The following RYK variants were observed in gnomAD, a reference collection of about 807,000 sequenced individuals.
RYK encodes inactive tyrosine-protein kinase RYK.
A neutral mutation model predicts 70.2 loss-of-function variants in RYK; 21 were observed. That is an observed-to-expected ratio of 0.30 (90% CI 0.21 to 0.43). The LOEUF (loss-of-function observed/expected upper bound fraction) is 0.43. Ranked by LOEUF, RYK falls within the 20% of genes least tolerant of loss-of-function variation. The pLI, the probability that RYK is intolerant of heterozygous loss-of-function variation, is 1.00. For synonymous variants in RYK, 267 were observed against 278.0 expected (o/e 0.96, Z 0.39); for missense variants, 604 against 753.3 (o/e 0.80, Z 2.32).
At chr3:134,162,765 T>A (rs911054889) in intron 13 of RYK, among the ~76,000 whole-genome samples, 1 of 149,802 alleles carries the variant, frequency 6.7e-6, no homozygotes, top group African/African-American at 2.5e-5. Context: ...GTGTCCAATT[T>A]CCATAGAGAA....
At chr3:134,215,785 C>A (rs1346074655) in intron 2 of RYK, among the ~76,000 whole-genome samples, 5 of 152,052 alleles carry the variant, frequency 3.3e-5, no homozygotes, top group South Asian at 2.1e-4. Flanking sequence ...CACCTGTAAT[C>A]CCAGCATTCT....
chr3:134,244,389 C>T (rs563080394), intron 1 of RYK, among the ~76,000 whole-genome samples: 180 of 152,200 alleles, frequency 1.2e-3, no homozygotes, highest in Middle Eastern at 3.4e-3. Context: ...AGGAGGCTTG[C>T]GGTTCTACTC....
rs899522868 is a variant in RYK at position 134,157,165 on chromosome 3, G to A, written c.*988C>T. 1.3e-5 allele frequency: 2 copies of A among 150,866 alleles called. No individual in the cohort carries two copies. The highest frequency in any genetic ancestry group is 2.4e-5 in the African/African-American group (1 of 41,038). 9.3% of individuals were successfully genotyped at this position (150,866 alleles called of 1,614,324 possible). Reference sequence around the variant, plus strand: ...AAACAAATCCTTTAATTTTTCAAGTGTTTAAAAAACAATTTTATACTTAAG... The same window carrying A: ...AAACAAATCCTTTAATTTTTCAAGTATTTAAAAAACAATTTTATACTTAAG... On this transcript the variant is annotated 3_prime_UTR_variant, in exon 15 of 15. Transcript: ENST00000623711.
At chr3:134,214,368 G>A (rs2014491440) in intron 2 of RYK, among the ~76,000 whole-genome samples, 1 of 152,136 alleles carries the variant, frequency 6.6e-6, no homozygotes, top group Non-Finnish European at 1.5e-5. Flanking sequence ...CAACATTTAT[G>A]AGGCACATTT....
intron 9 of RYK, among the ~76,000 whole-genome samples, chr3:134,187,633 C>A (rs1007576080): frequency 6.6e-6 from 1 of 152,132 alleles, no homozygotes; most frequent in African/African-American, 2.4e-5. Flanking sequence ...GGGGTCACTG[C>A]AGCCTTGAAT....
intron 9 of RYK, among the ~76,000 whole-genome samples, chr3:134,187,504 C>G (rs1201075435): frequency 6.6e-6 from 1 of 152,136 alleles, no homozygotes; most frequent in Non-Finnish European, 1.5e-5. Context: ...TAAATTATCA[C>G]ATTTTTCTTT....
At chr3:134,202,670 T>G in intron 6 of RYK, 60 bp downstream of exon 6, 1 of 1,482,238 alleles carries the variant, frequency 6.7e-7, no homozygotes, top group South Asian at 1.2e-5. Flanking sequence ...GTGTATGGGC[T>G]CCCACATATA....
At chr3:134,231,295 T>G (rs1250024833) in intron 1 of RYK, among the ~76,000 whole-genome samples, 1 of 152,114 alleles carries the variant, frequency 6.6e-6, no homozygotes, top group Non-Finnish European at 1.5e-5. Flanking sequence ...TTATCTTATC[T>G]GTCAAGGAGA....
intron 1 of RYK, among the ~76,000 whole-genome samples, chr3:134,249,856 C>G (rs931365618): frequency 2.7e-5 from 4 of 150,446 alleles, no homozygotes; most frequent in Admixed American, 2.6e-4. Context: ...ATCTACGTCC[C>G]AAGAGTTGGA....
chr3:134,238,967 GGCCAA>G (rs1383462206), intron 1 of RYK, among the ~76,000 whole-genome samples: 3 of 152,178 alleles, frequency 2.0e-5, no homozygotes, highest in Admixed American at 6.5e-5. Flanking sequence ...TTGTAGCGTG[GGCCAA>G]CAGTCTATTG....
At chr3:134,166,328 C>T (rs569748443) in intron 13 of RYK, among the ~76,000 whole-genome samples, 1 of 152,230 alleles carries the variant, frequency 6.6e-6, no homozygotes, top group East Asian at 1.9e-4. Context: ...TCTCAACAGA[C>T]ACCGAACCTG....
Position 134,249,768 on chromosome 3 carries a change from G to A in RYK, c.232+655C>T, listed in dbSNP as rs796560866. ...ACACACCCAATGCAAAAACCAAAAAGGTATTGAAACTAAAAAGGTCTGCTA... is the reference window on the plus strand; with the variant it reads ...ACACACCCAATGCAAAAACCAAAAAAGTATTGAAACTAAAAAGGTCTGCTA... On this transcript the variant is annotated intron_variant, in intron 1 of 14. Transcript: ENST00000623711. 1.9e-4 allele frequency among the ~76,000 whole-genome samples: 29 copies of A among 152,012 alleles called. 1 individual carries two copies. The highest frequency in any genetic ancestry group is 6.0e-4 in the African/African-American group (25 of 41,456).
rs1384080392 is a variant in RYK, at chr3:134,192,571, C to T, written c.890-597G>A. 2.6e-5 allele frequency among the ~76,000 whole-genome samples: 4 copies of T among 152,030 alleles called. No homozygotes were observed. The East Asian group carries it at 5.8e-4, about 22-fold the overall frequency. On this transcript the variant is annotated intron_variant, in intron 7 of 14. Coordinates refer to ENST00000623711, the MANE Select transcript of RYK (RefSeq NM_002958.4). ...TTGTGAGATTCAAATTTAATAAGTT[C>T]CCTTAATTCCCATTCATTCTTAATT... is the stretch of plus-strand genomic sequence containing the variant.
chr3:134,217,928 T>C (rs1257066577), intron 2 of RYK, among the ~76,000 whole-genome samples: 4 of 152,182 alleles, frequency 2.6e-5, no homozygotes, highest in African/African-American at 4.8e-5. Flanking sequence ...TTACCTAGAA[T>C]TGGGAACTGC....
intron 13 of RYK, among the ~76,000 whole-genome samples, chr3:134,174,289 T>G (rs1307937870): frequency 6.6e-6 from 1 of 152,178 alleles, no homozygotes; most frequent in East Asian, 1.9e-4. Flanking sequence ...ATTTCTATTG[T>G]TTTAAGCCAC....
In RYK at chr3:134,179,399, C is replaced by T. The variant is rs564226252; in HGVS notation, c.1173-1326G>A. ...TTGCAGGAGTTACTAACATGGAAAG[C>T]ACTGACCCTGAGGAGGTGGGAAAAT... On this transcript the variant is annotated intron_variant, in intron 10 of 14. Coordinates refer to ENST00000623711, the MANE Select transcript of RYK (RefSeq NM_002958.4). 1.1e-4 allele frequency: 16 copies of T among 152,316 alleles called. No homozygotes were observed. In the East Asian group the frequency reaches 2.7e-3, roughly 26 times the overall value. The allele number at this position is 152,316 out of a possible 1,614,324, so 9.4% of individuals were successfully genotyped here.
chr3:134,223,051 C>G (rs1168557571), intron 1 of RYK, among the ~76,000 whole-genome samples: 1 of 152,202 alleles, frequency 6.6e-6, no homozygotes, highest in Admixed American at 6.5e-5. Context: ...ATAGCATTTA[C>G]CATGGTACAC....
intron 1 of RYK, among the ~76,000 whole-genome samples, chr3:134,228,049 G>A (rs1240578313): frequency 1.3e-5 from 2 of 152,348 alleles, no homozygotes; most frequent in Admixed American, 6.5e-5. Context: ...CAGTGTGTGG[G>A]AGGCCGGGAC....
intron 8 of RYK, among the ~76,000 whole-genome samples, chr3:134,191,360 G>A (rs1001993851): frequency 2.0e-5 from 3 of 152,076 alleles, no homozygotes; most frequent in Non-Finnish European, 2.9e-5. Flanking sequence ...AGATGACAAC[G>A]CAGTCCAAAT....
Sources: allele counts gnomAD v4.1 joint callset (sites outside exome capture counted in the v4.1 genomes callset), GRCh38; gene constraint gnomAD v4.1.1; transcripts MANE v1.5; gene names NCBI Gene and HGNC (gene_info 2026-07-23, HGNC 2026-07-21).